Variants in HR observed in about 807,000 individuals in gnomAD.
The protein encoded by HR is HR lysine demethylase and nuclear receptor corepressor, also known as lysine-specific demethylase hairless.
Under a neutral mutation model 128.6 loss-of-function variants are expected in HR, and 83 were observed. The ratio of observed to expected loss-of-function variants is 0.65; its 90% CI spans 0.54 to 0.77. The LOEUF (loss-of-function observed/expected upper bound fraction) is 0.77, where lower values mean the gene tolerates loss of function less well. Among genes scored for constraint, HR ranks in the 30% least tolerant of loss-of-function variants. HR has a pLI of 0.00. For missense variants in HR, 1,490 were observed against 1,574.6 expected (o/e 0.95, Z 0.91); for synonymous variants, 681 against 658.2 (o/e 1.03, Z -0.53).
At chr8:22,123,617 T>TGGGGGGGCCCC in intron 6 of HR, 32 bp downstream of exon 6, 43 of 292,080 alleles carry the variant, frequency 1.5e-4, no homozygotes, top group Non-Finnish European at 2.4e-4. Context: ...GAGGGCTCCA[T>TGGGGGGGCCCC]CCCGCCCTCC....
At chr8:22,123,933 GC>G (rs1054359128) in intron 5 of HR, 120 bp from the exon 6 acceptor site, 34 of 1,183,798 alleles carry the variant, frequency 2.9e-5, no homozygotes, top group Middle Eastern at 1.9e-4. Flanking sequence ...CATGGAGAGG[GC>G]CCCCCCAGGG....
chr8:22,127,502 A>G lies in HR; in HGVS notation c.940T>C (p.Cys314Arg). 6.2e-7 allele frequency: 1 copy of G among 1,612,580 alleles called. No homozygotes were observed. The highest frequency in any genetic ancestry group is 1.1e-5 in the South Asian group (1 of 91,052). Residue 314 changes from cysteine to arginine, a missense_variant, in exon 3 of 19, where the codon TGC becomes CGC. This residue lies in a region of HR where 1,060 missense variants were observed against 1,060.9 expected (regional missense o/e 1.00). Coordinates refer to ENST00000381418, the MANE Select transcript of HR (RefSeq NM_005144.5). ...YQLGPPATPR[C>R]PSPEPPVTQR... ...GTGACAGGCGGCTCAGGAGAGGGGCACCTTGGTGTTGCTGGTGGCCCCAGC... is the reference window on the plus strand; with the variant it reads ...GTGACAGGCGGCTCAGGAGAGGGGCGCCTTGGTGTTGCTGGTGGCCCCAGC...
chr8:22,122,584 A>G lies in HR; in HGVS notation c.2030T>C (p.Met677Thr), dbSNP rs766155860. Residue 677 changes from methionine (M) to threonine (T), a missense_variant, in exon 8 of 19, where the codon ATG (methionine) becomes ACG (threonine). Physicochemically the swap from Met to Thr is moderately conservative, Grantham distance 81. This residue lies in a region of HR where 1,060 missense variants were observed against 1,060.9 expected (regional missense o/e 1.00). Coordinates refer to ENST00000381418, the MANE Select transcript of HR (RefSeq NM_005144.5). ...ATCAAACTTGACCCAGACCTGGTGC[A>G]TTGCAGTGCTCAGCTCTGCCAAAGC... is the stretch of plus-strand genomic sequence containing the variant. ...SQALAELSTA[M>T]HQVWVKFDIR... is the part of the protein sequence containing the mutation. 1 of 1,390,724 alleles carries G rather than the reference A, an allele frequency of 7.2e-7. No homozygotes were observed. Among genetic ancestry groups the G allele is most frequent in the East Asian group, 2.4e-5 (1 of 41,750 alleles). 86.1% of individuals were successfully genotyped at this position (1,390,724 alleles called of 1,614,324 possible).
chr8:22,116,371 AG>A lies in HR; in HGVS notation c.3435del (p.Ser1146LeufsTer33). ...SVTQHFLSPE[T>X]SALSAQLCHQ... ...TGGCAGAGCTGAGCAGAGAGGGCAG[AG>A]GTCTCAGGGGAGAGGAAGTGCTGAG... On this transcript the variant is annotated frameshift_variant, in exon 18 of 19. Coordinates refer to ENST00000381418, the MANE Select transcript of HR (RefSeq NM_005144.5). LOFTEE classifies it high-confidence loss of function. The surrounding 1 kb of genome is among the most constrained non-coding windows in gnomAD (Gnocchi z 4.2). 6.2e-7 allele frequency: 1 copy of A among 1,613,548 alleles called. No individual in the cohort carries two copies. Among genetic ancestry groups the A allele is most frequent in the Non-Finnish European group, 8.5e-7 (1 of 1,179,932 alleles).
Position 22,115,755 on chromosome 8 carries a change from C to T in HR, c.3515G>A (p.Trp1172Ter), listed in dbSNP as rs1167308939. The stretch of plus-strand genomic sequence containing the variant: ...CACCTTCACTGCTTGGAACACAGCC[C>T]AGTCCATCTAGGAAAAAGAGAGAGG... ...DCHLLYAQMDWAVFQAVKVAV... is the reference protein window; with the variant it reads ...DCHLLYAQMD The change falls in exon 19 of 19, where the codon TGG (tryptophan) becomes TAG (stop). Residue 1172 changes from tryptophan (W) to a stop codon, truncating the protein, a stop_gained. Transcript: ENST00000381418. LOFTEE classifies it high-confidence loss of function. 1 of 1,614,026 alleles carries T rather than the reference C, an allele frequency of 6.2e-7. No homozygotes were observed. Among genetic ancestry groups the T allele is most frequent in the Admixed American group, 1.7e-5 (1 of 59,992 alleles).
rs575292150 is a variant in HR, at chr8:22,124,384, C to T, written c.1751-571G>A. 3.3e-3 allele frequency among the ~76,000 whole-genome samples: 502 copies of T among 152,306 alleles called. 3 individuals carry two copies. The highest frequency in any genetic ancestry group is 0.011 in the African/African-American group (475 of 41,558). ...TGCTGGGATTACAGGCATGAGCCAC[C>T]GCGCCCAGCCAGGAGTGGGGTTTTC... On this transcript the variant is annotated intron_variant, in intron 5 of 18. Transcript: ENST00000381418.
At position 22,127,162 on chromosome 8, in the gene HR, G is replaced by A. The variant is rs1432303633; in HGVS notation, c.1280C>T (p.Ala427Val). The A allele has an allele frequency of 2.5e-6, 4 of 1,612,742 alleles. No individual in the cohort carries two copies. Among genetic ancestry groups the A allele is most frequent in the Non-Finnish European group, 2.5e-6 (3 of 1,179,872 alleles). ...PEVQGAMGSPAPKRPPDPFPG... is the reference protein window; with the variant it reads ...PEVQGAMGSPVPKRPPDPFPG... ...AAAAGGGTCCGGTGGCCGCTTGGGGGCTGGACTGCCCATTGCTCCCTGGAC... is the reference window on the plus strand; with the variant it reads ...AAAAGGGTCCGGTGGCCGCTTGGGGACTGGACTGCCCATTGCTCCCTGGAC... The change falls in exon 3 of 19, where the codon GCC becomes GTC. Residue 427 changes from alanine to valine, a missense_variant. Physicochemically the swap from Ala to Val is moderately conservative, Grantham distance 64 (BLOSUM62 0). This residue lies in a region of HR where 1,060 missense variants were observed against 1,060.9 expected (regional missense o/e 1.00). Coordinates refer to ENST00000381418, the MANE Select transcript of HR (RefSeq NM_005144.5).
chr8:22,117,012 C>T lies in HR; in HGVS notation c.3241G>A (p.Glu1081Lys), dbSNP rs556259214. Residue 1081 changes from glutamate to lysine, a missense_variant, in exon 17 of 19, where the codon GAG becomes AAG. By Grantham distance (56) the Glu-to-Lys change is moderately conservative. Transcript: ENST00000381418. ...TAGCAGCTGCCTGGGGCGCCAGGCT[C>T]CAGGGCGCCTGCCCCGGCCGGGCAC... ...MVCPAGAGAL[E>K]PGAPGSCYLD... 16 of 1,520,904 alleles carry T rather than the reference C, an allele frequency of 1.1e-5. No individual in the cohort carries two copies. In the East Asian group the frequency reaches 3.8e-4, roughly 37 times the overall value. The allele number at this position is 1,520,904 out of a possible 1,614,324, so 94.2% of individuals were successfully genotyped here. A position where few individuals can be genotyped will look rare whatever the true frequency, so the allele number is the denominator to read the frequency against.
At position 22,118,971 on chromosome 8, in the gene HR, G is replaced by A. The variant is rs114507110; in HGVS notation, c.3192C>T (p.Arg1064=). The A allele has an allele frequency of 1.0e-3, 1,674 of 1,611,874 alleles. 17 individuals are homozygous for A. The African/African-American group carries it at 0.018, about 17-fold the overall frequency. The stretch of plus-strand genomic sequence containing the variant: ...TCACCATCTGGAGAAAGCGGCGGAT[G>A]CGCTGGGCGTCCTGTGCCCGGAACA... The part of the protein sequence containing the change: ...WHVFRAQDAQ[R]IRRFLQMVCP... The change falls in exon 16 of 19, where the codon CGC becomes CGT. Residue 1064 remains arginine, a synonymous_variant. Transcript: ENST00000381418.
At position 22,116,417 on chromosome 8, in the gene HR, C is replaced by A. The variant is rs778088673; in HGVS notation, c.3390G>T (p.Leu1130=). The A allele has an allele frequency of 5.0e-6, 8 of 1,613,634 alleles. No homozygotes were observed. In the African/African-American group the frequency reaches 1.1e-4, roughly 22 times the overall value. The part of the protein sequence containing the change: ...PAGAPHQVQG[L]VSTVSVTQHF... ...GCTGAGTGACGCTGACTGTGCTCACCAGGCCCTGCACCTGTGTCGGGGGGA... is the reference window on the plus strand; with the variant it reads ...GCTGAGTGACGCTGACTGTGCTCACAAGGCCCTGCACCTGTGTCGGGGGGA... Residue 1130 remains leucine (L), a synonymous_variant, in exon 18 of 19, where the codon CTG becomes CTT. Coordinates refer to ENST00000381418, the MANE Select transcript of HR (RefSeq NM_005144.5). This position sits in a 1 kb window ranked among gnomAD's most constrained non-coding sequence, Gnocchi z 4.2.
chr8:22,119,024 C>G lies in HR; in HGVS notation c.3139G>C (p.Gly1047Arg). 3 of 1,613,218 alleles carry G rather than the reference C, an allele frequency of 1.9e-6. No homozygotes were observed. Among genetic ancestry groups the G allele is most frequent in the African/African-American group, 1.3e-5 (1 of 75,060 alleles). Reference sequence around the variant, plus strand: ...TGCCACACAGTGCTGACCTGGCTGCCCGGAGACCAGAGCCCCTCCCCGTCC... The same window carrying G: ...TGCCACACAGTGCTGACCTGGCTGCGCGGAGACCAGAGCCCCTCCCCGTCC... Reference protein sequence around the residue: ...GLDGEGLWSPGSQVSTVWHVF... With the variant: ...GLDGEGLWSPRSQVSTVWHVF... Residue 1047 changes from glycine to arginine, a missense_variant, in exon 16 of 19, where the codon GGC (glycine) becomes CGC (arginine). Physicochemically the swap from Gly to Arg is moderately radical, Grantham distance 125 (BLOSUM62 -2). Transcript: ENST00000381418.
chr8:22,118,378 C>G (rs886111753), intron 16 of HR: 5 of 157,692 alleles, frequency 3.2e-5, no homozygotes, highest in African/African-American at 1.2e-4. Context: ...ATCTCTCCCT[C>G]CACTTCCCTC....
chr8:22,121,332 A>C (rs1586375956), intron 9 of HR, 104 bp from the exon 10 acceptor site: 1 of 1,436,520 alleles, frequency 7.0e-7, no homozygotes, highest in Non-Finnish European at 9.5e-7. Context: ...GGCTGAGCCC[A>C]CTCTCCCCAG....
intron 5 of HR, 101 bp from the exon 6 acceptor site, chr8:22,123,914 A>G: frequency 7.2e-7 from 1 of 1,381,386 alleles, no homozygotes; most frequent in Non-Finnish European, 9.9e-7. Context: ...AGAAGCAAGG[A>G]GCAGCTTCCA....
intron 2 of HR, chr8:22,128,191 C>G (rs979305203): frequency 2.0e-6 from 1 of 509,954 alleles, no homozygotes; most frequent in Non-Finnish European, 3.6e-6. Flanking sequence ...AGGAGGTACC[C>G]TAGACATGGG....
chr8:22,125,177 T>C (rs1474260798), intron 5 of HR, 134 bp downstream of exon 5: 2 of 843,624 alleles, frequency 2.4e-6, no homozygotes, highest in Middle Eastern at 7.1e-4. Flanking sequence ...ACCTTCCTGA[T>C]GTCCCCACCC....
Position 22,128,233 on chromosome 8 carries a change from A to G in HR, c.612+326T>C, listed in dbSNP as rs1008917116. On this transcript the variant is annotated intron_variant, in intron 2 of 18. Transcript: ENST00000381418. ...GGTCCCCTGCACATCCCAGTCTCAG[A>G]TAGAGGGCCCTTGTCTGCCCACCCA... is the stretch of plus-strand genomic sequence containing the variant. The G allele has an allele frequency of 7.4e-5, 39 of 523,738 alleles. No individual in the cohort carries two copies. The South Asian group carries it at 7.8e-4, about 10-fold the overall frequency. The allele number at this position is 523,738 out of a possible 1,614,324, so 32.4% of individuals were successfully genotyped here.
chr8:22,123,617 T>TGGGGGGGGCCCCC, intron 6 of HR, 32 bp downstream of exon 6: 20 of 292,088 alleles, frequency 6.8e-5, no homozygotes, highest in East Asian at 1.1e-4. Flanking sequence ...GAGGGCTCCA[T>TGGGGGGGGCCCCC]CCCGCCCTCC....
chr8:22,122,394 C>G, intron 8 of HR, 99 bp downstream of exon 8: 1 of 822,462 alleles, frequency 1.2e-6, no homozygotes, highest in Non-Finnish European at 2.0e-6. Flanking sequence ...ACAGGCTTCT[C>G]TCTCTTCATC....
Sources: allele counts gnomAD v4.1 joint callset (sites outside exome capture counted in the v4.1 genomes callset), GRCh38; gene constraint gnomAD v4.1.1; regional missense constraint gnomAD v4.1.1; non-coding constraint Gnocchi (gnomAD v3.1); transcripts MANE v1.5; gene names NCBI Gene and HGNC (gene_info 2026-07-23, HGNC 2026-07-21).